The following DYNC2LI1 variants were observed in gnomAD, a reference collection of about 807,000 sequenced individuals.
DYNC2LI1 encodes the protein cytoplasmic dynein 2 light intermediate chain 1.
In DYNC2LI1, 45 loss-of-function variants were observed where a neutral mutation model predicts 51.9. That is an observed-to-expected ratio of 0.87 (90% CI 0.68 to 1.11). The LOEUF (loss-of-function observed/expected upper bound fraction) is 1.11. Among genes scored for constraint, DYNC2LI1 ranks in the 50% most tolerant of loss-of-function variants. The pLI is 0.00. For synonymous variants in DYNC2LI1, 130 were observed against 137.8 expected (o/e 0.94, Z 0.40); for missense variants, 490 against 417.4 (o/e 1.17, Z -1.51).
At chr2:43,822,625 A>T in the DYNC2LI1 span, 1 of 984,670 alleles carries the variant, frequency 1.0e-6, no homozygotes, top group Non-Finnish European at 1.2e-6. Context: ...CAGTTGGGCT[A>T]TTTACAATAA....
At chr2:43,777,381 C>T (rs1673072477) in intron 2 of DYNC2LI1, among the ~76,000 whole-genome samples, 1 of 152,178 alleles carries the variant, frequency 6.6e-6, no homozygotes, top group Admixed American at 6.5e-5. Flanking sequence ...GACCCCTCCC[C>T]ACTTGTTGTA....
At chr2:43,794,999 C>G in intron 6 of DYNC2LI1, 2 of 1,166,892 alleles carry the variant, frequency 1.7e-6, no homozygotes, top group Non-Finnish European at 2.1e-6. Context: ...GATGAAGCTA[C>G]AACTTTAAGC....
chr2:43,797,903 A>G (rs116371776), intron 8 of DYNC2LI1, among the ~76,000 whole-genome samples: 3,290 of 152,228 alleles, frequency 0.022, 82 homozygotes, highest in African/African-American at 0.062. Context: ...AGGCGAGAGG[A>G]TCATTTGAGC....
chr2:43,825,845 AG>A, the DYNC2LI1 span, among the ~76,000 whole-genome samples: 1 of 152,286 alleles, frequency 6.6e-6, no homozygotes, highest in South Asian at 2.1e-4. Context: ...ACCTCATAGG[AG>A]TGTTGTGCAG....
At chr2:43,787,925 A>G (rs1375683434) in intron 4 of DYNC2LI1, among the ~76,000 whole-genome samples, 3 of 152,144 alleles carry the variant, frequency 2.0e-5, no homozygotes, top group Non-Finnish European at 4.4e-5. Flanking sequence ...TAGTCCAAAT[A>G]TTTCCTCATT....
intron 12 of DYNC2LI1, among the ~76,000 whole-genome samples, chr2:43,809,240 C>A (rs1666391858): frequency 6.6e-6 from 1 of 152,182 alleles, no homozygotes; most frequent in Non-Finnish European, 1.5e-5. Context: ...AATTCTCCTG[C>A]CCCAGCCTCC....
chr2:43,814,707 A>G, downstream of DYNC2LI1: 4 of 625,178 alleles, frequency 6.4e-6, no homozygotes, highest in East Asian at 2.8e-5. Flanking sequence ...TCTCCTTATT[A>G]TAAAAATGAT....
chr2:43,774,772 C>T (rs1159151409), intron 1 of DYNC2LI1, among the ~76,000 whole-genome samples: 1 of 151,998 alleles, frequency 6.6e-6, no homozygotes, highest in African/African-American at 2.4e-5. Context: ...GTCAGCTTTC[C>T]ATCAAGGGAT....
chr2:43,817,318 C>G, the DYNC2LI1 span, among the ~76,000 whole-genome samples: 1 of 151,872 alleles, frequency 6.6e-6, no homozygotes, highest in African/African-American at 2.4e-5. Flanking sequence ...AACCTCATCT[C>G]TACCAAAAAT....
At chr2:43,785,730 T>A (rs752832089) in intron 3 of DYNC2LI1, among the ~76,000 whole-genome samples, 1 of 148,432 alleles carries the variant, frequency 6.7e-6, no homozygotes, top group East Asian at 1.9e-4. Context: ...TAAAATAAAA[T>A]ATATATAGTA....
Position 43,778,226 on chromosome 2 carries a change from C to T in DYNC2LI1, c.126+1327C>T, listed in dbSNP as rs536708903. ...TTGCCCAGGCTAGAGTGCAGTGGTG[C>T]GATCTCAGCACCCTGCAGCCTTGAC... On this transcript the variant is annotated intron_variant, in intron 2 of 12. Transcript: ENST00000260605. Among the ~76,000 whole-genome samples the T allele has an allele frequency of 5.3e-5, 8 of 152,212 alleles. No individual in the cohort carries two copies. The South Asian group carries it at 8.3e-4, about 16-fold the overall frequency.
intron 9 of DYNC2LI1, 130 bp downstream of exon 9, chr2:43,801,047 G>A (rs1666063814): frequency 6.1e-6 from 2 of 326,436 alleles, no homozygotes; most frequent in Non-Finnish European, 1.1e-5. Flanking sequence ...TTTTCTTAAA[G>A]GGATAATTTC....
intron 4 of DYNC2LI1, among the ~76,000 whole-genome samples, chr2:43,788,029 A>C (rs1487413789): frequency 2.0e-5 from 3 of 152,226 alleles, no homozygotes; most frequent in Admixed American, 1.3e-4. Context: ...AGAAAAAAAC[A>C]TAATATATAG....
At chr2:43,822,610 A>G in the DYNC2LI1 span, 1 of 985,292 alleles carries the variant, frequency 1.0e-6, no homozygotes, top group Non-Finnish European at 1.2e-6. Flanking sequence ...GTCTCCTGCA[A>G]CCCACAGTTG....
At chr2:43,827,730 C>G in the DYNC2LI1 span, among the ~76,000 whole-genome samples, 1 of 152,152 alleles carries the variant, frequency 6.6e-6, no homozygotes, top group East Asian at 1.9e-4. Context: ...AAGGAAAACC[C>G]CAATGGAACA....
At chr2:43,807,141 A>G (rs1416039541) in intron 12 of DYNC2LI1, among the ~76,000 whole-genome samples, 1 of 152,096 alleles carries the variant, frequency 6.6e-6, no homozygotes, top group Admixed American at 6.5e-5. Context: ...ATTTCATACT[A>G]TTTCATGAGT....
At chr2:43,785,418 A>C (rs1451955537) in intron 3 of DYNC2LI1, among the ~76,000 whole-genome samples, 1 of 152,020 alleles carries the variant, frequency 6.6e-6, no homozygotes, top group African/African-American at 2.4e-5. Flanking sequence ...ATGCTAAGTT[A>C]AATGAGCCAG....
At chr2:43,826,311 T>G in the DYNC2LI1 span, 11 of 1,608,800 alleles carry the variant, frequency 6.8e-6, no homozygotes, top group Non-Finnish European at 9.3e-6. Context: ...CTGGTACAAA[T>G]CTTGCCCCTG....
At chr2:43,810,916 T>A (rs1444032647), downstream of DYNC2LI1, among the ~76,000 whole-genome samples, 2 of 152,232 alleles carry the variant, frequency 1.3e-5, no homozygotes, top group African/African-American at 2.4e-5. Context: ...TAATTTGATT[T>A]TCTTACACAT....
Sources: allele counts gnomAD v4.1 joint callset (sites outside exome capture counted in the v4.1 genomes callset), GRCh38; gene constraint gnomAD v4.1.1; transcripts MANE v1.5; gene names NCBI Gene and HGNC (gene_info 2026-07-23, HGNC 2026-07-21).